SLC23A2: variants seen among roughly 807,000 people sequenced by gnomAD.
SLC23A2 encodes the protein Na(+)/L-ascorbic acid transporter 2.
In SLC23A2, 36 loss-of-function variants were observed where a neutral mutation model predicts 73.3. The ratio of observed to expected loss-of-function variants is 0.49; its 90% CI spans 0.38 to 0.65. The LOEUF (loss-of-function observed/expected upper bound fraction) is 0.65, where lower values mean the gene tolerates loss of function less well. SLC23A2 is among the 30% of genes least tolerant of loss of function. The pLI is 0.00. For missense variants in SLC23A2, 507 were observed against 841.6 expected (o/e 0.60, Z 4.92); for synonymous variants, 343 against 327.3 (o/e 1.05, Z -0.52).
intron 2 of SLC23A2, among the ~76,000 whole-genome samples, chr20:4,952,325 TG>T (rs927895199): frequency 6.6e-6 from 1 of 152,088 alleles, no homozygotes; most frequent in African/African-American, 2.4e-5. Flanking sequence ...GAGGAGAAAA[TG>T]TTTGGTTTGC....
Position 4,899,497 on chromosome 20 carries a change from TTCTGCGC to T in SLC23A2, c.482+51_482+57del. 1.7e-5 allele frequency: 1 copy of T among 59,484 alleles called. No individual in the cohort carries two copies. The allele number at this position is 59,484 out of a possible 1,614,324, so 3.7% of individuals were successfully genotyped here. ...TAGGCAAACGGCGCAGCTCAATGCC[TTCTGCGC>T]TCAATGCCTTCTGGGGGCTTTGGCA... On this transcript the variant is annotated intron_variant, in intron 6 of 16. Transcript: ENST00000338244. The surrounding 1 kb of genome is among the most constrained non-coding windows in gnomAD (Gnocchi z 4.9).
intron 13 of SLC23A2, among the ~76,000 whole-genome samples, chr20:4,864,963 C>A (rs6116559): frequency 0.051 from 7,768 of 152,274 alleles, 228 homozygotes; most frequent in Middle Eastern, 0.11. Context: ...TTGATGCTGT[C>A]AACAATATAT....
rs1163313280 is a variant in SLC23A2, at chr20:4,853,898, GA to G, written c.*3073del. On this transcript the variant is annotated 3_prime_UTR_variant, in exon 17 of 17. Transcript: ENST00000338244. ...CTACATTTAACTTCCTAATGAGAAT[GA>G]AAATTGCTTACAAAGACTAGAGTCA... 4 of 152,236 alleles carry G rather than the reference GA, an allele frequency of 2.6e-5. No homozygotes were observed. Among genetic ancestry groups the G allele is most frequent in the Non-Finnish European group, 5.9e-5 (4 of 68,034 alleles). 9.4% of individuals were successfully genotyped at this position (152,236 alleles called of 1,614,324 possible). A position where few individuals can be genotyped will look rare whatever the true frequency, so the allele number is the denominator to read the frequency against.
chr20:4,869,493 T>C (rs1160742939), intron 12 of SLC23A2: 2 of 153,148 alleles, frequency 1.3e-5, no homozygotes, highest in Non-Finnish European at 1.4e-5. Flanking sequence ...TCTCTATATA[T>C]ATATATAGAC....
chr20:4,866,682 C>T (rs1471351161), intron 13 of SLC23A2, among the ~76,000 whole-genome samples: 1 of 152,226 alleles, frequency 6.6e-6, no homozygotes, highest in Non-Finnish European at 1.5e-5. Flanking sequence ...GCCTGCCTGG[C>T]AGCTCCCTCT....
chr20:4,874,327 C>T (rs936571324), intron 10 of SLC23A2, among the ~76,000 whole-genome samples: 3 of 152,190 alleles, frequency 2.0e-5, no homozygotes, highest in Admixed American at 6.5e-5. Flanking sequence ...GCAGAGGCCA[C>T]GTGGAGTCAA....
chr20:4,948,328 T>C (rs1299884076), intron 2 of SLC23A2, among the ~76,000 whole-genome samples: 2 of 152,206 alleles, frequency 1.3e-5, no homozygotes, highest in Non-Finnish European at 2.9e-5. Context: ...CTTTGGCCCA[T>C]TTATTCAGTC....
intron 2 of SLC23A2, among the ~76,000 whole-genome samples, chr20:4,933,073 G>A (rs1055268418): frequency 6.6e-6 from 1 of 152,170 alleles, no homozygotes; most frequent in Non-Finnish European, 1.5e-5. Context: ...TTATATATCT[G>A]TCCTATCCAA....
intron 2 of SLC23A2, among the ~76,000 whole-genome samples, chr20:4,968,233 G>C (rs2087505646): frequency 6.6e-6 from 1 of 152,260 alleles, no homozygotes; most frequent in East Asian, 1.9e-4. Flanking sequence ...AGTGAGATTA[G>C]GGTTAGCCTT....
intron 11 of SLC23A2, 175 bp downstream of exon 11, chr20:4,873,761 G>C: frequency 1.8e-6 from 1 of 561,630 alleles, no homozygotes; most frequent in Non-Finnish European, 3.1e-6. Flanking sequence ...CTGTGTGTTG[G>C]TTTCTGCCCT....
chr20:4,971,889 T>A (rs1476725111), intron 1 of SLC23A2, among the ~76,000 whole-genome samples: 2 of 152,130 alleles, frequency 1.3e-5, no homozygotes, highest in Admixed American at 1.3e-4. Context: ...TTAAAAAAAA[T>A]AAATAAATAA....
intron 2 of SLC23A2, among the ~76,000 whole-genome samples, chr20:4,944,757 C>CA (rs1451910840): frequency 1.3e-5 from 2 of 152,180 alleles, no homozygotes; most frequent in Non-Finnish European, 2.9e-5. Context: ...CTCACTAAGA[C>CA]ACAAGAGCTT....
At chr20:4,878,716 T>C (rs1930754279) in intron 9 of SLC23A2, among the ~76,000 whole-genome samples, 1 of 152,236 alleles carries the variant, frequency 6.6e-6, no homozygotes, top group African/African-American at 2.4e-5. Flanking sequence ...CAAAAATAAT[T>C]AGTTTTTCCT....
intron 3 of SLC23A2, among the ~76,000 whole-genome samples, chr20:4,916,756 T>C (rs546855315): frequency 1.3e-5 from 2 of 152,220 alleles, no homozygotes; most frequent in Non-Finnish European, 2.9e-5. Context: ...AACTGTCAAG[T>C]ACCCATACAA....
chr20:4,876,777 A>G (rs1930671336), intron 9 of SLC23A2, among the ~76,000 whole-genome samples: 1 of 152,258 alleles, frequency 6.6e-6, no homozygotes, highest in African/African-American at 2.4e-5. Flanking sequence ...ACCATGTAAT[A>G]TCGTGGTCTA....
intron 1 of SLC23A2, among the ~76,000 whole-genome samples, chr20:4,999,534 A>C (rs2088082470): frequency 6.6e-6 from 1 of 151,006 alleles, no homozygotes; most frequent in South Asian, 2.1e-4. Flanking sequence ...GGTTTTTTTT[A>C]AGCTGGCCGC....
At chr20:4,993,718 A>G (rs1186464600) in intron 1 of SLC23A2, among the ~76,000 whole-genome samples, 1 of 152,202 alleles carries the variant, frequency 6.6e-6, no homozygotes, top group Non-Finnish European at 1.5e-5. Flanking sequence ...CCCCCATATC[A>G]TGCATCTGTG....
rs1932802802 is a variant in SLC23A2 at position 4,932,702 on chromosome 20, G to A, written c.-140C>T. The A allele has an allele frequency of 4.8e-6, 3 of 620,842 alleles. No homozygotes were observed. The highest frequency in any genetic ancestry group is 3.8e-5 in the South Asian group (2 of 52,242). 38.5% of individuals were successfully genotyped at this position (620,842 alleles called of 1,614,324 possible). On this transcript the variant is annotated 5_prime_UTR_variant, in exon 3 of 17. Coordinates refer to ENST00000338244, the MANE Select transcript of SLC23A2 (RefSeq NM_005116.6). ...TCAAGCAGAGATGAGGCCTGCAAAC[G>A]GCATCTCTTAGCACCTAGAAAAGAA... is the stretch of plus-strand genomic sequence containing the variant.
At chr20:4,953,671 T>C (rs952975764) in intron 2 of SLC23A2, among the ~76,000 whole-genome samples, 1 of 152,042 alleles carries the variant, frequency 6.6e-6, no homozygotes, top group East Asian at 1.9e-4. Context: ...GGCAGATTAC[T>C]TGGGGTCAGG....
Sources: gnomAD v4.1 joint callset for allele counts (sites outside exome capture counted in the v4.1 genomes callset) on GRCh38, gnomAD v4.1.1 for gene constraint, Gnocchi (gnomAD v3.1) non-coding constraint, MANE v1.5 for transcripts, NCBI Gene and HGNC (gene_info 2026-07-23, HGNC 2026-07-21) for gene names.